Variants in CCL5 observed in about 807,000 individuals in gnomAD.
The protein encoded by CCL5 is C-C motif chemokine 5.
A neutral mutation model predicts 9.0 loss-of-function variants in CCL5; 5 were observed. The observed-to-expected ratio is 0.55, with a 90% CI of 0.29 to 1.16. The LOEUF (loss-of-function observed/expected upper bound fraction) is 1.16, where lower values mean the gene tolerates loss of function less well. CCL5 is among the 50% of genes most tolerant of loss of function. The probability of loss-of-function intolerance (pLI) is 0.08; values close to 1 mark genes in which losing one functional copy is unlikely to be tolerated. For synonymous variants in CCL5, 66 were observed against 72.0 expected, an observed-to-expected ratio of 0.92 and a Z score of 0.42; for missense variants, 183 against 183.2, an observed-to-expected ratio of 1.00 and a Z score of 0.01.
chr17:35,873,786 CTG>C (rs1393361083), intron 3 of CCL5, among the ~76,000 whole-genome samples: 9 of 152,294 alleles, frequency 5.9e-5, no homozygotes, highest in African/African-American at 2.2e-4. Flanking sequence ...CTAGAATGCT[CTG>C]AAACTTCTCC....
Position 35,872,407 on chromosome 17 carries a change from C to T in CCL5, c.328G>A (p.Gly110Arg). 3.1e-6 allele frequency: 5 copies of T among 1,613,870 alleles called. No homozygotes were observed. The highest frequency in any genetic ancestry group is 4.2e-6 in the Non-Finnish European group (5 of 1,179,994). ...TCATCTCCAAAGAGTTGATGTACTC[C>T]CGAACCCATTTCTTCTCTGGGTTGG... The change falls in exon 4 of 4, where the codon GGA becomes AGA. Residue 110 changes from glycine to arginine, a missense_variant. Physicochemically the swap from Gly to Arg is moderately radical, Grantham distance 125. Transcript: ENST00000651122.
At chr17:35,879,847 TTTTAG>T (rs1164878578) in intron 1 of CCL5, among the ~76,000 whole-genome samples, 1 of 152,000 alleles carries the variant, frequency 6.6e-6, no homozygotes, top group Non-Finnish European at 1.5e-5. Context: ...TCTCAGGAAG[TTTTAG>T]TTTAGTTAAA....
Position 35,872,223 on chromosome 17 carries a change from TGGGGAA to T in CCL5, c.*41_*46del, listed in dbSNP as rs1406678724. 1 of 1,373,322 alleles carries T rather than the reference TGGGGAA, an allele frequency of 7.3e-7. No individual in the cohort carries two copies. Among genetic ancestry groups the T allele is most frequent in the Non-Finnish European group, 9.7e-7 (1 of 1,035,502 alleles). The allele number at this position is 1,373,322 out of a possible 1,614,324, so 85.1% of individuals were successfully genotyped here. On this transcript the variant is annotated 3_prime_UTR_variant, in exon 4 of 4. Coordinates refer to ENST00000651122, the MANE Select transcript of CCL5 (RefSeq NM_001278736.2). ...CAGGCGTGAGCCACCACGTCCAGCC[TGGGGAA>T]GGTTTTTGTAACTGCTGCTGTGTGG...
chr17:35,875,707 GCC>G, intron 2 of CCL5: 1 of 585,048 alleles, frequency 1.7e-6, no homozygotes, highest in Non-Finnish European at 2.2e-6. Flanking sequence ...TCCATTTCCT[GCC>G]CCCAACCTCC....
intron 2 of CCL5, among the ~76,000 whole-genome samples, chr17:35,877,538 A>G (rs143107409): frequency 4.0e-4 from 61 of 152,322 alleles, no homozygotes; most frequent in African/African-American, 1.4e-3. Flanking sequence ...TTCATCCCTC[A>G]TTTACTGTGC....
At chr17:35,876,497 T>C (rs2088442843) in intron 2 of CCL5, among the ~76,000 whole-genome samples, 1 of 152,142 alleles carries the variant, frequency 6.6e-6, no homozygotes, top group South Asian at 2.1e-4. Context: ...CCCCCATTTT[T>C]CTCCCTTGCT....
intron 2 of CCL5, among the ~76,000 whole-genome samples, chr17:35,877,774 G>A (rs959162525): frequency 2.6e-5 from 4 of 152,100 alleles, no homozygotes; most frequent in African/African-American, 9.7e-5. Context: ...TTCTCTGATG[G>A]ATGGCTTTTT....
Position 35,878,282 on chromosome 17 carries a change from CAAAAAAAAAAAAAAA to C in CCL5, c.188+231_188+245del, listed in dbSNP as rs4013866. On this transcript the variant is annotated intron_variant, in intron 2 of 3. Coordinates refer to ENST00000651122, the MANE Select transcript of CCL5 (RefSeq NM_001278736.2). ...TGGGCGACAGAGTGAGACTCTGTCT[CAAAAAAAAAAAAAAA>C]AAAAAAAAAAAAAAGATTGGAGTCC... 3.8e-3 allele frequency among the ~76,000 whole-genome samples: 122 copies of C among 32,004 alleles called. 1 individual carries two copies. Among genetic ancestry groups the C allele is most frequent in the Middle Eastern group, 0.025 (1 of 40 alleles). The allele number at this position is 32,004 out of a possible 152,430, so 21.0% of individuals were successfully genotyped here. A position where few individuals can be genotyped will look rare whatever the true frequency, so the allele number is the denominator to read the frequency against.
chr17:35,873,257 A>G (rs2088397748), intron 3 of CCL5, among the ~76,000 whole-genome samples: 1 of 149,626 alleles, frequency 6.7e-6, no homozygotes, highest in African/African-American at 2.5e-5. Flanking sequence ...GCACGATCTC[A>G]GCTCACTGCA....
intron 3 of CCL5, among the ~76,000 whole-genome samples, chr17:35,873,328 T>G (rs373013591): frequency 2.0e-5 from 3 of 151,756 alleles, no homozygotes; most frequent in Non-Finnish European, 4.4e-5. Flanking sequence ...GTTGGGACTA[T>G]AGGCGCCCCC....
rs752445704 is a variant in CCL5 at position 35,880,252 on chromosome 17, G to A, written c.54C>T (p.Cys18=). The stretch of plus-strand genomic sequence containing the variant: ...TACATGGGGAGGCAGATGCAGGAGC[G>A]CAGAGGGCAGTAGCAATGAGGATGA... The change falls in exon 1 of 4, where the codon TGC becomes TGT. Residue 18 remains cysteine (C), a synonymous_variant. Transcript: ENST00000651122. 60 of 1,613,620 alleles carry A rather than the reference G, an allele frequency of 3.7e-5. No individual in the cohort carries two copies. In the Admixed American group the frequency reaches 4.7e-4, roughly 13 times the overall value.
Position 35,872,421 on chromosome 17 carries a change from TCTC to T in CCL5, c.311_313del (p.Arg104_Glu105delinsLys). 6.2e-7 allele frequency: 1 copy of T among 1,613,920 alleles called. No individual in the cohort carries two copies. Among genetic ancestry groups the T allele is most frequent in the Non-Finnish European group, 8.5e-7 (1 of 1,180,004 alleles). ...TTGATGTACTCCCGAACCCATTTCTTCTCTGGGTTGGCACACACTTGGCGGTTC... is the reference window on the plus strand; with the variant it reads ...TTGATGTACTCCCGAACCCATTTCTTTGGGTTGGCACACACTTGGCGGTTC... On this transcript the variant is annotated inframe_deletion, in exon 4 of 4. Coordinates refer to ENST00000651122, the MANE Select transcript of CCL5 (RefSeq NM_001278736.2).
At chr17:35,877,067 A>C (rs1250374393) in intron 2 of CCL5, among the ~76,000 whole-genome samples, 3 of 152,194 alleles carry the variant, frequency 2.0e-5, no homozygotes, top group African/African-American at 2.4e-5. Flanking sequence ...TGCTCAGGGA[A>C]GGATTTTCTT....
chr17:35,874,667 G>A (rs2088418070), intron 3 of CCL5, among the ~76,000 whole-genome samples: 1 of 152,108 alleles, frequency 6.6e-6, no homozygotes, highest in African/African-American at 2.4e-5. Context: ...CTGGAGTGCA[G>A]TGGCACAATC....
At chr17:35,872,595 A>G (rs999169591) in intron 3 of CCL5, 131 bp from the exon 3 acceptor site, 103 of 716,834 alleles carry the variant, frequency 1.4e-4, no homozygotes, top group African/African-American at 4.2e-4. Context: ...TTGGAGCTCC[A>G]TAAGATTTTA....
chr17:35,877,877 A>G (rs1271662192), intron 2 of CCL5, among the ~76,000 whole-genome samples: 1 of 151,914 alleles, frequency 6.6e-6, no homozygotes, highest in Non-Finnish European at 1.5e-5. Context: ...TGGGTGTGAA[A>G]TATGGGGGAC....
At chr17:35,872,747 C>T (rs1055756912) in intron 3 of CCL5, among the ~76,000 whole-genome samples, 2 of 152,182 alleles carry the variant, frequency 1.3e-5, no homozygotes, top group African/African-American at 2.4e-5. Context: ...GCCTTGAAGC[C>T]CAGGGCTGAG....
intron 3 of CCL5, among the ~76,000 whole-genome samples, chr17:35,874,525 T>C (rs2088416503): frequency 6.6e-6 from 1 of 152,206 alleles, no homozygotes; most frequent in Non-Finnish European, 1.5e-5. Context: ...GGTCTCAAAT[T>C]CCTGGGCTCA....
At chr17:35,875,440 C>T (rs370763352) in intron 3 of CCL5, 2 of 243,552 alleles carry the variant, frequency 8.2e-6, no homozygotes, top group African/African-American at 2.3e-5. Context: ...ACTTGACCAT[C>T]TCTTTTTCTC....
Sources: allele counts gnomAD v4.1 joint callset (sites outside exome capture counted in the v4.1 genomes callset), GRCh38; gene constraint gnomAD v4.1.1; transcripts MANE v1.5; gene names NCBI Gene and HGNC (gene_info 2026-07-23, HGNC 2026-07-21).